Variants in PRKCZ observed in about 807,000 individuals in gnomAD.
PRKCZ encodes the protein protein kinase C zeta.
Under a neutral mutation model 79.5 loss-of-function variants are expected in PRKCZ, and 33 were observed. The observed-to-expected ratio is 0.41, with a 90% CI of 0.31 to 0.55. The LOEUF (loss-of-function observed/expected upper bound fraction) is 0.55, where lower values mean the gene tolerates loss of function less well. Ranked by LOEUF, PRKCZ falls within the 20% of genes least tolerant of loss-of-function variation. The pLI is 0.19. For missense variants in PRKCZ, 578 were observed against 813.5 expected (o/e 0.71, Z 3.52); for synonymous variants, 342 against 320.9 (o/e 1.07, Z -0.70).
In PRKCZ at chr1:2,173,418, A is replaced by G. The variant is rs887360318; in HGVS notation, c.1286-479A>G. On this transcript the variant is annotated intron_variant, in intron 13 of 17. Coordinates refer to ENST00000378567, the MANE Select transcript of PRKCZ (RefSeq NM_002744.6). This position sits in a 1 kb window ranked among gnomAD's most constrained non-coding sequence, Gnocchi z 5.7. The stretch of plus-strand genomic sequence containing the variant: ...CAGAGACAGCTGCTGTCCTTGGGCA[A>G]AACGGGTCAGGGTCTCCCACCCCTC... 1.3e-5 allele frequency among the ~76,000 whole-genome samples: 2 copies of G among 152,214 alleles called. No individual in the cohort carries two copies. The highest frequency in any genetic ancestry group is 2.9e-5 in the Non-Finnish European group (2 of 68,034).
chr1:2,056,048 T>C (rs1242711574), intron 2 of PRKCZ, among the ~76,000 whole-genome samples: 1 of 152,190 alleles, frequency 6.6e-6, no homozygotes, highest in African/African-American at 2.4e-5. Context: ...GGGCAGCTCT[T>C]GGCCAAGGAC....
At position 2,124,278 on chromosome 1, in the gene PRKCZ, C is replaced by T. The variant is rs61776561; in HGVS notation, c.335-10984C>T. Among the ~76,000 whole-genome samples, 3 of 8,948 alleles carry T rather than the reference C, an allele frequency of 3.4e-4. 1 individual carries two copies. Among genetic ancestry groups the T allele is most frequent in the Non-Finnish European group, 4.6e-4 (2 of 4,322 alleles). The allele number at this position is 8,948 out of a possible 152,430, so 5.9% of individuals were successfully genotyped here. On this transcript the variant is annotated intron_variant, in intron 4 of 17. Coordinates refer to ENST00000378567, the MANE Select transcript of PRKCZ (RefSeq NM_002744.6). ...AGGGTCATGGCGGTAGTTAGGGTCA[C>T]GGCTGTAGTTAGCGTCACGGTGGTA...
intron 4 of PRKCZ, among the ~76,000 whole-genome samples, chr1:2,121,701 G>T (rs1412031364): frequency 2.1e-5 from 1 of 47,720 alleles, no homozygotes; most frequent in Non-Finnish European, 4.7e-5. Context: ...GGTGGTTAGG[G>T]TCACGGTGGT....
intron 4 of PRKCZ, among the ~76,000 whole-genome samples, chr1:2,102,628 G>A (rs531740736): frequency 2.0e-4 from 31 of 152,206 alleles, no homozygotes; most frequent in Admixed American, 1.2e-3. Flanking sequence ...CACCGTGCCC[G>A]GCCCTCGTTT....
chr1:2,116,914 T>G (rs1424519844), intron 4 of PRKCZ, among the ~76,000 whole-genome samples: 2 of 152,136 alleles, frequency 1.3e-5, no homozygotes, highest in African/African-American at 2.4e-5. Flanking sequence ...TTCCAATCCG[T>G]GAACATATCT....
chr1:2,051,689 A>T (rs13303254), intron 1 of PRKCZ, among the ~76,000 whole-genome samples: 92,220 of 151,948 alleles, frequency 0.61, 28,444 homozygotes, highest in East Asian at 0.91. Context: ...GCGGGTGACA[A>T]CTTCCCCGGG....
At chr1:2,070,010 G>A (rs887458165) in intron 4 of PRKCZ, among the ~76,000 whole-genome samples, 1 of 152,204 alleles carries the variant, frequency 6.6e-6, no homozygotes, top group African/African-American at 2.4e-5. Flanking sequence ...AGACCCTGCT[G>A]AGGGCAGCGC....
intron 7 of PRKCZ, among the ~76,000 whole-genome samples, chr1:2,147,959 A>C: frequency 6.9e-6 from 1 of 144,554 alleles, no homozygotes. Context: ...TTGTCCACTG[A>C]CCTCTCCATC....
rs1031035799 is a variant in PRKCZ, at chr1:2,177,053, G to A, written c.1575+1740G>A. Among the ~76,000 whole-genome samples the A allele has an allele frequency of 5.9e-5, 9 of 152,310 alleles. No individual in the cohort carries two copies. Among genetic ancestry groups the A allele is most frequent in the African/African-American group, 1.9e-4 (8 of 41,566 alleles). ...AAGAGATCTGCCTTTGGTTCTAACT[G>A]TCAGTCATCCTCACGCCCAGGCCGG... On this transcript the variant is annotated intron_variant, in intron 16 of 17. Coordinates refer to ENST00000378567, the MANE Select transcript of PRKCZ (RefSeq NM_002744.6). The surrounding 1 kb of genome is among the most constrained non-coding windows in gnomAD (Gnocchi z 6.4).
Position 2,082,136 on chromosome 1 carries a change from G to A in PRKCZ, c.334+22545G>A, listed in dbSNP as rs1022727580. The A allele has an allele frequency of 9.3e-6, 3 of 323,874 alleles. No individual in the cohort carries two copies. The highest frequency in any genetic ancestry group is 8.8e-5 in the East Asian group (1 of 11,418). 20.1% of individuals were successfully genotyped at this position (323,874 alleles called of 1,614,324 possible). ...TCTTTCCACACGGCCATCCGAGGGC[G>A]GACGTGGTCAGGGGTGCTGGACGCG... On this transcript the variant is annotated intron_variant, in intron 4 of 17. Coordinates refer to ENST00000378567, the MANE Select transcript of PRKCZ (RefSeq NM_002744.6). The surrounding 1 kb of genome is among the most constrained non-coding windows in gnomAD (Gnocchi z 4.4).
intron 4 of PRKCZ, among the ~76,000 whole-genome samples, chr1:2,083,974 G>C (rs1201341608): frequency 6.6e-6 from 1 of 152,240 alleles, no homozygotes; most frequent in African/African-American, 2.4e-5. Context: ...GCTCACGCCT[G>C]TAGTCCCAGC....
chr1:2,178,585 C>G lies in PRKCZ; in HGVS notation c.1575+3272C>G. 6.6e-6 allele frequency among the ~76,000 whole-genome samples: 1 copy of G among 152,340 alleles called. No individual in the cohort carries two copies. Among genetic ancestry groups the G allele is most frequent in the East Asian group, 1.9e-4 (1 of 5,186 alleles). On this transcript the variant is annotated intron_variant, in intron 16 of 17. Transcript: ENST00000378567. The surrounding 1 kb of genome is among the most constrained non-coding windows in gnomAD (Gnocchi z 4.3). ...CGTGTTTATTTCTCTTGGGCACGTGCTCAGGGCGCAGTTGCAGGTCCGGTG... is the reference window on the plus strand; with the variant it reads ...CGTGTTTATTTCTCTTGGGCACGTGGTCAGGGCGCAGTTGCAGGTCCGGTG...
intron 4 of PRKCZ, chr1:2,104,905 C>T (rs764736041): frequency 1.5e-4 from 149 of 985,342 alleles, no homozygotes; most frequent in Non-Finnish European, 1.8e-4. Context: ...GGTGAGTAGC[C>T]TTTATTCTTC....
At chr1:2,059,511 T>C in intron 3 of PRKCZ, 30 bp from the exon 4 acceptor site, 1 of 1,613,708 alleles carries the variant, frequency 6.2e-7, no homozygotes, top group Non-Finnish European at 8.5e-7. Context: ...CGCAGGGTCT[T>C]GACGCTGTCT....
chr1:2,073,941 G>A, intron 4 of PRKCZ: 1 of 1,354,696 alleles, frequency 7.4e-7, no homozygotes, highest in South Asian at 1.6e-5. Flanking sequence ...TGAGTCGGGG[G>A]CATCTCCCCC....
intron 10 of PRKCZ, among the ~76,000 whole-genome samples, chr1:2,167,014 C>T (rs771133194): frequency 3.7e-4 from 57 of 152,352 alleles, no homozygotes; most frequent in Non-Finnish European, 7.3e-4. Context: ...GCTTGTGTCA[C>T]GCAGAGTCGC....
intron 4 of PRKCZ, among the ~76,000 whole-genome samples, chr1:2,081,252 C>T (rs544953718): frequency 2.9e-4 from 44 of 151,998 alleles, no homozygotes; most frequent in African/African-American, 9.9e-4. Context: ...GGGTTAGAAT[C>T]GGATACCGTG....
rs1393817516 is a variant in PRKCZ, at chr1:2,177,680, C to G, written c.1575+2367C>G. Among the ~76,000 whole-genome samples the G allele has an allele frequency of 2.6e-5, 4 of 152,210 alleles. No individual in the cohort carries two copies. The highest frequency in any genetic ancestry group is 7.2e-5 in the African/African-American group (3 of 41,454). ...CCCTGCAGCGAGCACGCCAGGTGAT[C>G]TCTGGCACACACTTGCCGCGGGCTG... On this transcript the variant is annotated intron_variant, in intron 16 of 17. Coordinates refer to ENST00000378567, the MANE Select transcript of PRKCZ (RefSeq NM_002744.6). The surrounding 1 kb of genome is among the most constrained non-coding windows in gnomAD (Gnocchi z 6.4).
chr1:2,181,093 A>G (rs1019667739), intron 16 of PRKCZ, among the ~76,000 whole-genome samples: 1 of 30,274 alleles, frequency 3.3e-5, no homozygotes, highest in African/African-American at 1.3e-4. Flanking sequence ...TCCCCACCCC[A>G]CCCCCGCCAC....
Sources: gnomAD v4.1 joint callset for allele counts (sites outside exome capture counted in the v4.1 genomes callset) on GRCh38, gnomAD v4.1.1 for gene constraint, Gnocchi (gnomAD v3.1) non-coding constraint, MANE v1.5 for transcripts, NCBI Gene and HGNC (gene_info 2026-07-23, HGNC 2026-07-21) for gene names.